Variants in PRAP1 observed in about 807,000 individuals in gnomAD.
PRAP1 encodes proline-rich acidic protein 1.
A neutral mutation model predicts 14.6 loss-of-function variants in PRAP1; 12 were observed. The observed-to-expected ratio is 0.82, with a 90% CI of 0.53 to 1.33. The LOEUF is 1.33. Among genes scored for constraint, PRAP1 ranks in the 40% most tolerant of loss-of-function variants. PRAP1 has a pLI of 0.00. For missense variants in PRAP1, 160 were observed against 193.7 expected (o/e 0.83, Z 1.03); for synonymous variants, 81 against 80.3 (o/e 1.01, Z -0.04).
chr10:133,348,473 G>T (rs1249364438), intron 1 of PRAP1, among the ~76,000 whole-genome samples: 1 of 152,030 alleles, frequency 6.6e-6, no homozygotes, highest in Non-Finnish European at 1.5e-5. Flanking sequence ...AGGAGTAGCT[G>T]CGATTACAGG....
In PRAP1 at chr10:133,352,248, C is replaced by A; in HGVS notation, c.264C>A (p.Gly88=). The change falls in exon 5 of 5, where the codon GGC becomes GGA. Residue 88 remains glycine, a splice_region_variant and synonymous_variant. Transcript: ENST00000433452. ...ATACCTTCATGTGCTTGTCCCTAGG[C>A]ACCAAGGCCTGGATGGAGACCGAGG... ...RGQGRGPILP[G]TKAWMETEDT... 6.2e-7 allele frequency: 1 copy of A among 1,612,784 alleles called. No individual in the cohort carries two copies. The highest frequency in any genetic ancestry group is 8.5e-7 in the Non-Finnish European group (1 of 1,179,758).
intron 1 of PRAP1, among the ~76,000 whole-genome samples, 199 bp from the exon 2 acceptor site, chr10:133,349,896 G>A (rs1317965312): frequency 6.6e-6 from 1 of 152,228 alleles, no homozygotes; most frequent in Non-Finnish European, 1.5e-5. Flanking sequence ...CCTGAGGGGG[G>A]CTGGAGGCAG....
At chr10:133,349,659 G>A (rs1182476820) in intron 1 of PRAP1, among the ~76,000 whole-genome samples, 2 of 152,266 alleles carry the variant, frequency 1.3e-5, no homozygotes, top group Non-Finnish European at 2.9e-5. Context: ...CTGCAGCAGC[G>A]TGCAGCCTCA....
rs1270370006 is a variant in PRAP1 at position 133,350,144 on chromosome 10, G to T, written c.58G>T (p.Ala20Ser). ...GGTTGTGCTGCTGTGGGAGGCAGGTGCAGTCCCAGCACCCAAGGTAGGTGT... is the reference window on the plus strand; with the variant it reads ...GGTTGTGCTGCTGTGGGAGGCAGGTTCAGTCCCAGCACCCAAGGTAGGTGT... ...LVVVLLWEAG[A>S]VPAPKVPIKM... Residue 20 changes from alanine to serine, a missense_variant, in exon 2 of 5, where the codon GCA (alanine) becomes TCA (serine). Transcript: ENST00000433452. The T allele has an allele frequency of 1.2e-6, 2 of 1,613,408 alleles. No individual in the cohort carries two copies. The highest frequency in any genetic ancestry group is 1.7e-6 in the Non-Finnish European group (2 of 1,179,778).
intron 1 of PRAP1, among the ~76,000 whole-genome samples, chr10:133,349,462 C>T (rs1480412109): frequency 1.3e-5 from 2 of 152,158 alleles, no homozygotes; most frequent in Non-Finnish European, 2.9e-5. Context: ...CCACCATGCA[C>T]ATGGTCCACA....
chr10:133,351,909 G>A lies in PRAP1; in HGVS notation c.129-98G>A. The stretch of plus-strand genomic sequence containing the variant: ...CTTGTCCTGGGGCTGCTGGTGGTGG[G>A]GCTGGAGTGGCTGCCCTGGGATGGT... On this transcript the variant is annotated intron_variant, in intron 3 of 4. Coordinates refer to ENST00000433452, the MANE Select transcript of PRAP1 (RefSeq NM_145202.5). The surrounding 1 kb of genome is among the most constrained non-coding windows in gnomAD (Gnocchi z 4.3). 6.8e-7 allele frequency: 1 copy of A among 1,479,198 alleles called. No homozygotes were observed. Among genetic ancestry groups the A allele is most frequent in the Admixed American group, 1.9e-5 (1 of 51,706 alleles). The allele number at this position is 1,479,198 out of a possible 1,614,324, so 91.6% of individuals were successfully genotyped here.
In PRAP1 at chr10:133,350,107, C is replaced by G; in HGVS notation, c.21C>G (p.Val7=). MRRLLL[V]TSLVVVLLWE... Reference sequence around the variant, plus strand: ...GGCCCCCCCTCAGGCTCCTCCTGGTCACCAGCCTGGTGGTTGTGCTGCTGT... The same window carrying G: ...GGCCCCCCCTCAGGCTCCTCCTGGTGACCAGCCTGGTGGTTGTGCTGCTGT... Residue 7 remains valine (V), a synonymous_variant, in exon 2 of 5, where the codon GTC becomes GTG. Coordinates refer to ENST00000433452, the MANE Select transcript of PRAP1 (RefSeq NM_145202.5). 6.2e-7 allele frequency: 1 copy of G among 1,613,548 alleles called. No individual in the cohort carries two copies. The highest frequency in any genetic ancestry group is 8.5e-7 in the Non-Finnish European group (1 of 1,179,806).
Position 133,352,561 on chromosome 10 carries a change from C to T in PRAP1, c.*121C>T. The T allele has an allele frequency of 2.5e-6, 2 of 797,626 alleles. No individual in the cohort carries two copies. Among genetic ancestry groups the T allele is most frequent in the South Asian group, 3.6e-5 (2 of 56,230 alleles). The allele number at this position is 797,626 out of a possible 1,614,324, so 49.4% of individuals were successfully genotyped here. A position where few individuals can be genotyped will look rare whatever the true frequency, so the allele number is the denominator to read the frequency against. On this transcript the variant is annotated 3_prime_UTR_variant, in exon 5 of 5. Coordinates refer to ENST00000433452, the MANE Select transcript of PRAP1 (RefSeq NM_145202.5). ...CCAGCAGGCCGGGCGCGGTGGCTCA[C>T]CTCTGTAATCCCAGCACTTTTAGAG...
chr10:133,352,081 C>T lies in PRAP1; in HGVS notation c.203C>T (p.Pro68Leu), dbSNP rs751784074. Residue 68 changes from proline to leucine, a missense_variant, in exon 4 of 5, where the codon CCG becomes CTG. Pro to Leu is a moderately conservative substitution (Grantham distance 98). Coordinates refer to ENST00000433452, the MANE Select transcript of PRAP1 (RefSeq NM_145202.5). Reference protein sequence around the residue: ...QLVVLFPVQKPKLLTTEEKPR... With the variant: ...QLVVLFPVQKLKLLTTEEKPR... The stretch of plus-strand genomic sequence containing the variant: ...GTGGTGCTGTTCCCTGTCCAGAAGC[C>T]GAAACTCTTGACCACCGAGGAGAAG... The T allele has an allele frequency of 1.4e-5, 23 of 1,612,670 alleles. No individual in the cohort carries two copies. The highest frequency in any genetic ancestry group is 6.6e-5 in the South Asian group (6 of 91,060).
chr10:133,351,650 G>T lies in PRAP1; in HGVS notation c.128+217G>T, dbSNP rs1014330206. 6.6e-6 allele frequency among the ~76,000 whole-genome samples: 1 copy of T among 152,214 alleles called. No individual in the cohort carries two copies. Among genetic ancestry groups the T allele is most frequent in the Non-Finnish European group, 1.5e-5 (1 of 68,034 alleles). On this transcript the variant is annotated intron_variant, in intron 3 of 4. Coordinates refer to ENST00000433452, the MANE Select transcript of PRAP1 (RefSeq NM_145202.5). This position sits in a 1 kb window ranked among gnomAD's most constrained non-coding sequence, Gnocchi z 4.3. ...ACAGCCGGAGGGCTTGGGGCTCCACGGTGTCTCCCTACTCAGCTTCCCCAC... is the reference window on the plus strand; with the variant it reads ...ACAGCCGGAGGGCTTGGGGCTCCACTGTGTCTCCCTACTCAGCTTCCCCAC...
chr10:133,351,837 G>A lies in PRAP1; in HGVS notation c.129-170G>A, dbSNP rs1848684203. ...ACCCAGGGACGTGGTGTGGAAGCCT[G>A]GCCGGGAGCACTGGGGGCCACTCAT... On this transcript the variant is annotated intron_variant, in intron 3 of 4. Transcript: ENST00000433452. The surrounding 1 kb of genome is among the most constrained non-coding windows in gnomAD (Gnocchi z 4.3). Among the ~76,000 whole-genome samples the A allele has an allele frequency of 6.6e-6, 1 of 152,228 alleles. No homozygotes were observed. Among genetic ancestry groups the A allele is most frequent in the Non-Finnish European group, 1.5e-5 (1 of 68,034 alleles).
chr10:133,351,570 G>A lies in PRAP1; in HGVS notation c.128+137G>A, dbSNP rs1384153942. On this transcript the variant is annotated intron_variant, in intron 3 of 4. Transcript: ENST00000433452. This position sits in a 1 kb window ranked among gnomAD's most constrained non-coding sequence, Gnocchi z 4.3. The stretch of plus-strand genomic sequence containing the variant: ...GTCCAGCAGCTTTTGGAAGGAGGGG[G>A]CACTCCAGCCTCATGGGCATCTGTC... 2.9e-6 allele frequency: 2 copies of A among 696,316 alleles called. No homozygotes were observed. Among genetic ancestry groups the A allele is most frequent in the East Asian group, 2.7e-5 (1 of 36,628 alleles). The allele number at this position is 696,316 out of a possible 1,614,324, so 43.1% of individuals were successfully genotyped here. A position where few individuals can be genotyped will look rare whatever the true frequency, so the allele number is the denominator to read the frequency against.
At position 133,352,086 on chromosome 10, in the gene PRAP1, C is replaced by T. The variant is rs781362232; in HGVS notation, c.208C>T (p.Leu70Phe). 1.2e-6 allele frequency: 2 copies of T among 1,612,902 alleles called. No individual in the cohort carries two copies. The highest frequency in any genetic ancestry group is 1.7e-6 in the Non-Finnish European group (2 of 1,179,956). Residue 70 changes from leucine to phenylalanine, a missense_variant, in exon 4 of 5, where the codon CTC becomes TTC. Transcript: ENST00000433452. The part of the protein sequence containing the change: ...VVLFPVQKPK[L>F]LTTEEKPRGQ... ...GCTGTTCCCTGTCCAGAAGCCGAAACTCTTGACCACCGAGGAGAAGCCACG... is the reference window on the plus strand; with the variant it reads ...GCTGTTCCCTGTCCAGAAGCCGAAATTCTTGACCACCGAGGAGAAGCCACG...
chr10:133,348,361 C>T (rs1589865514), intron 1 of PRAP1, among the ~76,000 whole-genome samples: 1 of 152,192 alleles, frequency 6.6e-6, no homozygotes, highest in East Asian at 1.9e-4. Context: ...TGCCCTTTGA[C>T]CTCTCACCAT....
chr10:133,351,964 C>T lies in PRAP1; in HGVS notation c.129-43C>T, dbSNP rs766024752. ...ACCCTCCTGCGGGGGGTTCTGTCCACCTCCCCCACCTGCATGTGGACCTGA... is the reference window on the plus strand; with the variant it reads ...ACCCTCCTGCGGGGGGTTCTGTCCATCTCCCCCACCTGCATGTGGACCTGA... On this transcript the variant is annotated intron_variant, in intron 3 of 4. Transcript: ENST00000433452. The surrounding 1 kb of genome is among the most constrained non-coding windows in gnomAD (Gnocchi z 4.3). 6.9e-6 allele frequency: 11 copies of T among 1,601,190 alleles called. No homozygotes were observed. The highest frequency in any genetic ancestry group is 9.4e-6 in the Non-Finnish European group (11 of 1,175,912).
chr10:133,352,553 G>A lies in PRAP1; in HGVS notation c.*113G>A. On this transcript the variant is annotated 3_prime_UTR_variant, in exon 5 of 5. Coordinates refer to ENST00000433452, the MANE Select transcript of PRAP1 (RefSeq NM_145202.5). ...AATAAACCCCAGCAGGCCGGGCGCG[G>A]TGGCTCACCTCTGTAATCCCAGCAC... 1.1e-6 allele frequency: 1 copy of A among 900,108 alleles called. No individual in the cohort carries two copies. Among genetic ancestry groups the A allele is most frequent in the African/African-American group, 1.7e-5 (1 of 59,354 alleles). 55.8% of individuals were successfully genotyped at this position (900,108 alleles called of 1,614,324 possible).
At position 133,351,101 on chromosome 10, in the gene PRAP1, G is replaced by C. The variant is rs1160900927; in HGVS notation, c.76-280G>C. On this transcript the variant is annotated intron_variant, in intron 2 of 4. Coordinates refer to ENST00000433452, the MANE Select transcript of PRAP1 (RefSeq NM_145202.5). This position sits in a 1 kb window ranked among gnomAD's most constrained non-coding sequence, Gnocchi z 4.3. ...TGCTAGGTCAGGGATACGGTGCCAG[G>C]TTACATCCCAGTCCTGTGCTGCCCC... Among the ~76,000 whole-genome samples, 4 of 152,170 alleles carry C rather than the reference G, an allele frequency of 2.6e-5. No homozygotes were observed. Among genetic ancestry groups the C allele is most frequent in the Admixed American group, 6.5e-5 (1 of 15,278 alleles).
chr10:133,347,412 C>T lies in PRAP1; in HGVS notation c.-6C>T, dbSNP rs754516678. On this transcript the variant is annotated 5_prime_UTR_variant, in exon 1 of 5. Transcript: ENST00000433452. The surrounding 1 kb of genome is among the most constrained non-coding windows in gnomAD (Gnocchi z 5.0). ...AGCACTCTCTACAGAGACGCGGACCCCAGACATGAGGAGGTAATGCCACCA... is the reference window on the plus strand; with the variant it reads ...AGCACTCTCTACAGAGACGCGGACCTCAGACATGAGGAGGTAATGCCACCA... The T allele has an allele frequency of 4.3e-6, 7 of 1,612,954 alleles. No individual in the cohort carries two copies. The highest frequency in any genetic ancestry group is 5.9e-6 in the Non-Finnish European group (7 of 1,179,338).
At position 133,351,985 on chromosome 10, in the gene PRAP1, C is replaced by T. The variant is rs1218212820; in HGVS notation, c.129-22C>T. On this transcript the variant is annotated intron_variant, in intron 3 of 4. Transcript: ENST00000433452. The surrounding 1 kb of genome is among the most constrained non-coding windows in gnomAD (Gnocchi z 4.3). ...TCCACCTCCCCCACCTGCATGTGGA[C>T]CTGACCAAACTGTGCCAGCAGGGCC... 6.2e-7 allele frequency: 1 copy of T among 1,610,174 alleles called. No homozygotes were observed.
Sources: gnomAD v4.1 joint callset for allele counts (sites outside exome capture counted in the v4.1 genomes callset) on GRCh38, gnomAD v4.1.1 for gene constraint, Gnocchi (gnomAD v3.1) non-coding constraint, MANE v1.5 for transcripts, NCBI Gene and HGNC (gene_info 2026-07-23, HGNC 2026-07-21) for gene names.